The following RAD52 variants were observed in gnomAD, a reference collection of about 807,000 sequenced individuals.
The protein encoded by RAD52 is DNA repair protein RAD52 homolog.
Under a neutral mutation model 55.5 loss-of-function variants are expected in RAD52, and 47 were observed. The ratio of observed to expected loss-of-function variants is 0.85; its 90% CI spans 0.67 to 1.08. RAD52 has a LOEUF of 1.08. Ranked by LOEUF, RAD52 falls within the 50% of genes least tolerant of loss-of-function variation. The pLI, the probability that RAD52 is intolerant of heterozygous loss-of-function variation, is 0.00. For synonymous variants in RAD52, 184 were observed against 198.9 expected, an observed-to-expected ratio of 0.92 and a Z score of 0.63; for missense variants, 468 against 522.8, an observed-to-expected ratio of 0.90 and a Z score of 1.02.
In RAD52 at chr12:933,080, T is replaced by C. The variant is rs748736733; in HGVS notation, c.-18-4A>G. 7 of 1,581,602 alleles carry C rather than the reference T, an allele frequency of 4.4e-6. No homozygotes were observed. In the Admixed American group the frequency reaches 5.3e-5, roughly 12 times the overall value. On this transcript the variant is annotated splice_region_variant and splice_polypyrimidine_tract_variant and intron_variant, in intron 1 of 11. Coordinates refer to ENST00000358495, the MANE Select transcript of RAD52 (RefSeq NM_134424.4). The stretch of plus-strand genomic sequence containing the variant: ...ACATCTTGATTCTGGTTGACCTCTA[T>C]ATAAATAAAAAGCGGAAAAAAAAAA...
intron 1 of RAD52, among the ~76,000 whole-genome samples, chr12:972,495 G>A (rs1958873677): frequency 6.6e-6 from 1 of 151,376 alleles, no homozygotes; most frequent in South Asian, 2.1e-4. Flanking sequence ...GGCCAGGCGT[G>A]GTGGCTCACG....
chr12:970,831 ACTCTT>A lies in RAD52; in HGVS notation c.-19+18973_-19+18977del, dbSNP rs561606512. 9.9e-3 allele frequency among the ~76,000 whole-genome samples: 1,500 copies of A among 152,220 alleles called. 15 individuals are homozygous for A. The highest frequency in any genetic ancestry group is 0.065 in the Middle Eastern group (19 of 294). ...CAGCAAAGGGAATGTTCTATTAATT[ACTCTT>A]CTCATCAATAACCAAAGCCAGGTAC... is the stretch of plus-strand genomic sequence containing the variant. On this transcript the variant is annotated intron_variant, in intron 1 of 11. Coordinates refer to the RAD52 transcript ENST00000430095.
intron 1 of RAD52, 32 bp downstream of exon 1, chr12:949,570 C>A (rs868112339): frequency 6.6e-6 from 1 of 151,522 alleles, no homozygotes; most frequent in South Asian, 2.1e-4. Flanking sequence ...CTAGAACCAC[C>A]CCGGGGGAAG....
At chr12:960,647 G>A (rs1330763219) in intron 1 of RAD52, among the ~76,000 whole-genome samples, 2 of 152,110 alleles carry the variant, frequency 1.3e-5, no homozygotes, top group African/African-American at 4.8e-5. Context: ...GTTGTTGTTT[G>A]TAAAGACAGG....
At chr12:928,249 C>T (rs1378612114) in intron 5 of RAD52, among the ~76,000 whole-genome samples, 5 of 152,248 alleles carry the variant, frequency 3.3e-5, no homozygotes, top group African/African-American at 7.2e-5. Context: ...CGGTGGCTCA[C>T]GCCTGTAATC....
At chr12:983,816 G>C (rs2154122051) in intron 1 of RAD52, among the ~76,000 whole-genome samples, 2 of 152,302 alleles carry the variant, frequency 1.3e-5, no homozygotes, top group African/African-American at 4.8e-5. Context: ...TACTGGGTTA[G>C]ATACCATTCT....
intron 1 of RAD52, among the ~76,000 whole-genome samples, chr12:985,045 G>A (rs1300239078): frequency 2.6e-5 from 4 of 152,196 alleles, no homozygotes; most frequent in East Asian, 1.9e-4. Flanking sequence ...TCCTGACCTT[G>A]TGATCCGCCT....
chr12:978,890 GTAGATAGATAGATAGATAGA>G (rs55957803), intron 1 of RAD52, among the ~76,000 whole-genome samples: 2 of 149,410 alleles, frequency 1.3e-5, no homozygotes, highest in East Asian at 3.9e-4. Context: ...TAGATGATAG[GTAGATAGATAGATAGATAGA>G]TAGATAGACA....
chr12:916,923 C>A, intron 7 of RAD52, 103 bp from the exon 8 acceptor site: 2 of 1,477,734 alleles, frequency 1.4e-6, no homozygotes, highest in South Asian at 2.6e-5. Context: ...CATTTGACAT[C>A]CTCCATCCAT....
chr12:949,048 A>G (rs1190300746), intron 1 of RAD52, among the ~76,000 whole-genome samples: 1 of 152,022 alleles, frequency 6.6e-6, no homozygotes, highest in African/African-American at 2.4e-5. Context: ...AGTGAGCGTC[A>G]AATTTTTATT....
Position 911,886 on chromosome 12 carries a change from C to T in RAD52, c.*1505G>A, listed in dbSNP as rs187426246. On this transcript the variant is annotated 3_prime_UTR_variant, in exon 12 of 12. Transcript: ENST00000358495. Reference sequence around the variant, plus strand: ...AAAAATACAAAAATTAGTCGGGCGTCGTGGTGGGTGTCTGTAATCCCAGCT... The same window carrying T: ...AAAAATACAAAAATTAGTCGGGCGTTGTGGTGGGTGTCTGTAATCCCAGCT... 5.3e-4 allele frequency among the ~76,000 whole-genome samples: 80 copies of T among 151,890 alleles called. No individual in the cohort carries two copies. In the East Asian group the frequency reaches 0.012, roughly 23 times the overall value.
intron 11 of RAD52, 129 bp from the exon 12 acceptor site, chr12:913,581 G>T: frequency 2.4e-6 from 2 of 819,642 alleles, no homozygotes; most frequent in Non-Finnish European, 3.9e-6. Context: ...CTGTTAGGAG[G>T]AAGGCAGATG....
chr12:986,840 C>T (rs943067487), intron 1 of RAD52, among the ~76,000 whole-genome samples: 5 of 151,608 alleles, frequency 3.3e-5, no homozygotes, highest in Admixed American at 6.6e-5. Context: ...CCTTCTGTTC[C>T]AATCTAACTA....
At chr12:917,360 G>A (rs971693809) in intron 7 of RAD52, among the ~76,000 whole-genome samples, 9 of 152,188 alleles carry the variant, frequency 5.9e-5, no homozygotes, top group African/African-American at 2.2e-4. Context: ...CATGAGAAGG[G>A]ACAGTCCTGT....
intron 1 of RAD52, among the ~76,000 whole-genome samples, chr12:981,736 G>A (rs1234473988): frequency 7.0e-6 from 1 of 143,830 alleles, no homozygotes; most frequent in African/African-American, 2.5e-5. Flanking sequence ...TAGCCTGGGC[G>A]ACAGAATGAG....
At position 913,243 on chromosome 12, in the gene RAD52, A is replaced by G. The variant is rs1457012336; in HGVS notation, c.*148T>C. On this transcript the variant is annotated 3_prime_UTR_variant, in exon 12 of 12. Coordinates refer to ENST00000358495, the MANE Select transcript of RAD52 (RefSeq NM_134424.4). ...TCAGCTCTAACTGCAGTGGGCTCTC[A>G]GTCAGATCCTCTTGATAAGGTTCAG... is the stretch of plus-strand genomic sequence containing the variant. 2.8e-6 allele frequency: 2 copies of G among 704,396 alleles called. No homozygotes were observed. Among genetic ancestry groups the G allele is most frequent in the African/African-American group, 3.6e-5 (2 of 55,668 alleles). 43.6% of individuals were successfully genotyped at this position (704,396 alleles called of 1,614,324 possible). A position where few individuals can be genotyped will look rare whatever the true frequency, so the allele number is the denominator to read the frequency against.
intron 1 of RAD52, among the ~76,000 whole-genome samples, chr12:963,323 T>C (rs867831765): frequency 6.6e-6 from 1 of 152,180 alleles, no homozygotes; most frequent in Non-Finnish European, 1.5e-5. Context: ...AAATATTTAT[T>C]AATCCACTCC....
At chr12:949,705 C>G (rs1385272054), upstream of RAD52, 1 of 151,858 alleles carries the variant, frequency 6.6e-6, no homozygotes, top group Admixed American at 6.6e-5. Flanking sequence ...GGGAAGGGTG[C>G]GCGAGCGTCT....
rs2154107733 is a variant in RAD52 at position 914,549 on chromosome 12, A to G, written c.866-17T>C. 2.5e-6 allele frequency: 4 copies of G among 1,612,460 alleles called. No homozygotes were observed. The South Asian group carries it at 3.3e-5, about 13-fold the overall frequency. On this transcript the variant is annotated splice_polypyrimidine_tract_variant and intron_variant, in intron 9 of 11. Coordinates refer to ENST00000358495, the MANE Select transcript of RAD52 (RefSeq NM_134424.4). ...GAGGCGCTGCTACGGTTCACAGAGG[A>G]GAGAAAGGACAAGTCATCATCACAT... is the stretch of plus-strand genomic sequence containing the variant.
Sources: allele counts gnomAD v4.1 joint callset (sites outside exome capture counted in the v4.1 genomes callset), GRCh38; gene constraint gnomAD v4.1.1; transcripts MANE v1.5; gene names NCBI Gene and HGNC (gene_info 2026-07-23, HGNC 2026-07-21).